Variants in KDM4C observed in about 807,000 individuals in gnomAD.
KDM4C encodes the protein lysine-specific demethylase 4C.
In KDM4C, 81 loss-of-function variants were observed where a neutral mutation model predicts 129.3. The observed-to-expected ratio is 0.63, with a 90% CI of 0.52 to 0.75. The LOEUF is 0.75. Among genes scored for constraint, KDM4C ranks in the 30% least tolerant of loss-of-function variants. KDM4C has a pLI of 0.00. For missense variants in KDM4C, 1,457 were observed against 1,304.0 expected, an observed-to-expected ratio of 1.12 and a Z score of -1.81; for synonymous variants, 573 against 456.1, an observed-to-expected ratio of 1.26 and a Z score of -3.26.
intron 4 of KDM4C, among the ~76,000 whole-genome samples, chr9:6,829,478 A>G (rs1323408112): frequency 6.6e-6 from 1 of 152,250 alleles, no homozygotes; most frequent in Admixed American, 6.5e-5. Context: ...TTGGCTGGTG[A>G]ACATAAAGTC....
intron 19 of KDM4C, among the ~76,000 whole-genome samples, chr9:7,162,195 T>C (rs1333485219): frequency 6.6e-6 from 1 of 152,322 alleles, no homozygotes; most frequent in South Asian, 2.1e-4. Context: ...TCTTGTTACA[T>C]AGTTGGTTTG....
At chr9:6,842,785 A>AC (rs35686777) in intron 4 of KDM4C, among the ~76,000 whole-genome samples, 35,844 of 151,648 alleles carry the variant, frequency 0.24, 4,307 homozygotes, top group African/African-American at 0.28. Flanking sequence ...AATACACATC[A>AC]CCCCCAATAC....
At chr9:6,940,551 A>G (rs62533840) in intron 8 of KDM4C, among the ~76,000 whole-genome samples, 38,919 of 152,162 alleles carry the variant, frequency 0.26, 5,429 homozygotes, top group South Asian at 0.4. Flanking sequence ...GAATATTAAA[A>G]ATTTAAAATC....
intron 15 of KDM4C, 128 bp from the exon 16 acceptor site, chr9:7,046,734 C>T (rs927949821): frequency 1.6e-5 from 12 of 736,404 alleles, no homozygotes; most frequent in South Asian, 1.0e-4. Context: ...AGAGATAGAC[C>T]TTCATGTAAT....
intron 1 of KDM4C, chr9:6,723,567 G>C (rs1457997528): frequency 1.3e-5 from 2 of 149,912 alleles, no homozygotes; most frequent in Non-Finnish European, 2.9e-5. Flanking sequence ...CCCACTGCTG[G>C]TGTCCTCTGC....
intron 8 of KDM4C, among the ~76,000 whole-genome samples, chr9:6,926,893 A>T (rs1822674650): frequency 6.6e-6 from 1 of 152,156 alleles, no homozygotes; most frequent in Admixed American, 6.5e-5. Context: ...TTATTTTCTT[A>T]TTCATAAACA....
At chr9:6,833,682 G>T (rs982714755) in intron 4 of KDM4C, among the ~76,000 whole-genome samples, 4 of 152,144 alleles carry the variant, frequency 2.6e-5, no homozygotes, top group African/African-American at 9.7e-5. Context: ...CTCGTACAGG[G>T]CCTGCTCCCT....
chr9:6,959,073 C>A (rs12686353), intron 8 of KDM4C, among the ~76,000 whole-genome samples: 39,415 of 152,062 alleles, frequency 0.26, 5,748 homozygotes, highest in South Asian at 0.43. Context: ...TATAGTCCTG[C>A]CCAAGTTTTC....
intron 17 of KDM4C, among the ~76,000 whole-genome samples, chr9:7,067,780 C>T (rs867987338): frequency 1.3e-5 from 2 of 152,066 alleles, no homozygotes; most frequent in East Asian, 3.9e-4. Flanking sequence ...TCATTGTTAA[C>T]ATATTGGAGT....
chr9:6,817,580 A>T (rs995604634), intron 4 of KDM4C, among the ~76,000 whole-genome samples: 7 of 152,070 alleles, frequency 4.6e-5, no homozygotes, highest in Non-Finnish European at 8.8e-5. Context: ...TAGTAAAAAT[A>T]AAAGTTAAAA....
intron 18 of KDM4C, among the ~76,000 whole-genome samples, chr9:7,119,047 T>C (rs1435097054): frequency 6.6e-6 from 1 of 152,172 alleles, no homozygotes; most frequent in Non-Finnish European, 1.5e-5. Context: ...TGGGGAGAAA[T>C]GATATTTAAG....
chr9:7,132,466 A>G (rs1293876382), intron 19 of KDM4C, among the ~76,000 whole-genome samples: 2 of 152,234 alleles, frequency 1.3e-5, no homozygotes, highest in Non-Finnish European at 2.9e-5. Context: ...GCTAGCCAGA[A>G]AAAATGTGCA....
chr9:6,970,108 G>C (rs1473451246), intron 8 of KDM4C, among the ~76,000 whole-genome samples: 2 of 152,220 alleles, frequency 1.3e-5, no homozygotes, highest in Non-Finnish European at 2.9e-5. Flanking sequence ...CAATCAAGGT[G>C]CTCTTTTTAG....
chr9:7,127,519 A>C (rs1564151928), intron 18 of KDM4C, among the ~76,000 whole-genome samples: 1 of 152,212 alleles, frequency 6.6e-6, no homozygotes, highest in Non-Finnish European at 1.5e-5. Context: ...GTATCCTTCC[A>C]AAGTAGCACT....
At chr9:7,165,479 C>A in intron 20 of KDM4C, 122 bp downstream of exon 20, 1 of 1,129,516 alleles carries the variant, frequency 8.9e-7, no homozygotes, top group Non-Finnish European at 1.3e-6. Flanking sequence ...TTATTTTATG[C>A]AGGAGGCAAA....
chr9:6,771,080 CTTTTTTTTTTTTTTTTTT>C (rs35945405), intron 1 of KDM4C, among the ~76,000 whole-genome samples: 2 of 56,952 alleles, frequency 3.5e-5, no homozygotes, highest in Admixed American at 2.4e-4. Context: ...GACTGTGAAT[CTTTTTTTTTTTTTTTTTT>C]TTTTTTTTTT....
At position 6,849,656 on chromosome 9, in the gene KDM4C, C is replaced by G; in HGVS notation, c.585C>G (p.Asp195Glu). ...TTGCATGGCACACCGAAGACATGGA[C>G]CTCTATAGCATTAATTATCTCCACT... ...TTFAWHTEDM[D>E]LYSINYLHFG... The change falls in exon 5 of 22, where the codon GAC becomes GAG. Residue 195 changes from aspartate (D) to glutamate (E), a missense_variant. Asp to Glu is a conservative substitution (Grantham distance 45, BLOSUM62 2). Coordinates refer to ENST00000381309, the MANE Select transcript of KDM4C (RefSeq NM_015061.6). 6.2e-7 allele frequency: 1 copy of G among 1,612,310 alleles called. No homozygotes were observed. Among genetic ancestry groups the G allele is most frequent in the Non-Finnish European group, 8.5e-7 (1 of 1,178,602 alleles).
chr9:7,045,497 G>C (rs554584489), intron 15 of KDM4C, among the ~76,000 whole-genome samples: 5 of 151,954 alleles, frequency 3.3e-5, no homozygotes, highest in African/African-American at 1.2e-4. Context: ...CTTATAAAAT[G>C]AACTACCAGA....
At chr9:6,894,688 T>G (rs919110884) in intron 8 of KDM4C, among the ~76,000 whole-genome samples, 9 of 152,164 alleles carry the variant, frequency 5.9e-5, no homozygotes, top group Non-Finnish European at 1.2e-4. Context: ...GAGTTGCATT[T>G]CCACATTTCC....
Sources: allele counts gnomAD v4.1 joint callset (sites outside exome capture counted in the v4.1 genomes callset), GRCh38; gene constraint gnomAD v4.1.1; transcripts MANE v1.5; gene names NCBI Gene and HGNC (gene_info 2026-07-23, HGNC 2026-07-21).